The following SRSF4 variants were observed in gnomAD, a reference collection of about 807,000 sequenced individuals.
SRSF4 encodes the protein serine/arginine-rich splicing factor 4.
Under a neutral mutation model 48.8 loss-of-function variants are expected in SRSF4, and 12 were observed. The ratio of observed to expected loss-of-function variants is 0.25; its 90% confidence interval spans 0.16 to 0.40. The LOEUF (loss-of-function observed/expected upper bound fraction) is 0.40, where lower values mean the gene tolerates loss of function less well. Among genes scored for constraint, SRSF4 ranks in the 10% least tolerant of loss-of-function variants. The probability of loss-of-function intolerance (pLI) is 1.00; values close to 1 mark genes in which losing one functional copy is unlikely to be tolerated. For missense variants in SRSF4, 466 were observed against 667.1 expected (o/e 0.70, Z 3.32); for synonymous variants, 248 against 232.5 (o/e 1.07, Z -0.61).
At position 29,162,261 on chromosome 1, in the gene SRSF4, T is replaced by C. The variant is rs951577809; in HGVS notation, c.108-1744A>G. 2.0e-5 allele frequency among the ~76,000 whole-genome samples: 3 copies of C among 152,192 alleles called. No individual in the cohort carries two copies. The East Asian group carries it at 5.8e-4, about 29-fold the overall frequency. On this transcript the variant is annotated intron_variant, in intron 1 of 5. Coordinates refer to ENST00000373795, the MANE Select transcript of SRSF4 (RefSeq NM_005626.5). ...GCTGAGCAGCTTAATAAGAAGGATT[T>C]TGAACATGCTGTTATCTTAGAAAAG...
chr1:29,169,631 C>A (rs549440131), intron 1 of SRSF4: 6 of 152,204 alleles, frequency 3.9e-5, no homozygotes, highest in African/African-American at 1.4e-4. Flanking sequence ...AATGAGAACA[C>A]AAATATATCA....
Position 29,148,194 on chromosome 1 carries a change from G to A in SRSF4, c.*216C>T. The A allele has an allele frequency of 1.4e-6, 1 of 722,040 alleles. No individual in the cohort carries two copies. The highest frequency in any genetic ancestry group is 1.5e-5 in the South Asian group (1 of 67,122). The allele number at this position is 722,040 out of a possible 1,614,324, so 44.7% of individuals were successfully genotyped here. A position where few individuals can be genotyped will look rare whatever the true frequency, so the allele number is the denominator to read the frequency against. On this transcript the variant is annotated 3_prime_UTR_variant, in exon 6 of 6. Transcript: ENST00000373795. ...TCTACTGTGGGCCATGAGTAAAAGG[G>A]GATTTTCAAAGAGAAAATTTTTTTC... is the stretch of plus-strand genomic sequence containing the variant.
At chr1:29,179,653 A>C (rs1254793599) in intron 1 of SRSF4, among the ~76,000 whole-genome samples, 1 of 152,176 alleles carries the variant, frequency 6.6e-6, no homozygotes, top group Non-Finnish European at 1.5e-5. Flanking sequence ...TACGACATAT[A>C]CTATTCCCAG....
rs563422113 is a variant in SRSF4 at position 29,150,009 on chromosome 1, C to T, written c.668+94G>A. On this transcript the variant is annotated intron_variant, in intron 5 of 5. Coordinates refer to ENST00000373795, the MANE Select transcript of SRSF4 (RefSeq NM_005626.5). ...TACCACTGGACTCCAGCTTGGGTGACAGAGTGTCTCTTTGAAAAAAAAAAG... is the reference window on the plus strand; with the variant it reads ...TACCACTGGACTCCAGCTTGGGTGATAGAGTGTCTCTTTGAAAAAAAAAAG... The T allele has an allele frequency of 4.5e-5, 47 of 1,043,964 alleles. No individual in the cohort carries two copies. The East Asian group carries it at 1.1e-3, about 24-fold the overall frequency. The allele number at this position is 1,043,964 out of a possible 1,614,324, so 64.7% of individuals were successfully genotyped here. A position where few individuals can be genotyped will look rare whatever the true frequency, so the allele number is the denominator to read the frequency against.
At chr1:29,176,151 C>G (rs937386493) in intron 1 of SRSF4, among the ~76,000 whole-genome samples, 7 of 152,072 alleles carry the variant, frequency 4.6e-5, no homozygotes, top group Non-Finnish European at 8.8e-5. Context: ...ACTTGGGAGG[C>G]TGAGGCAGGA....
intron 1 of SRSF4, among the ~76,000 whole-genome samples, chr1:29,178,946 CT>C (rs1424825113): frequency 6.6e-6 from 1 of 152,150 alleles, no homozygotes; most frequent in Admixed American, 6.6e-5. Flanking sequence ...TCATACCTGT[CT>C]TTGAAACTCT....
At chr1:29,164,849 A>C (rs762946860) in intron 1 of SRSF4, among the ~76,000 whole-genome samples, 2 of 152,228 alleles carry the variant, frequency 1.3e-5, no homozygotes, top group Non-Finnish European at 2.9e-5. Flanking sequence ...AAGTAAGAGA[A>C]GAAACTCCTT....
chr1:29,169,406 G>T (rs913644525), intron 1 of SRSF4: 1 of 152,214 alleles, frequency 6.6e-6, no homozygotes, highest in Non-Finnish European at 1.5e-5. Context: ...CTGTAGTGTG[G>T]AAGACAAATG....
chr1:29,150,054 T>C, intron 5 of SRSF4, 49 bp downstream of exon 5: 1 of 1,470,366 alleles, frequency 6.8e-7, no homozygotes, highest in Non-Finnish European at 9.4e-7. Context: ...TGAGACAGGG[T>C]ACAGGCATTC....
At chr1:29,158,879 T>C (rs1672547698) in intron 3 of SRSF4, among the ~76,000 whole-genome samples, 2 of 151,798 alleles carry the variant, frequency 1.3e-5, no homozygotes, top group South Asian at 4.2e-4. Flanking sequence ...CCCAGCACTT[T>C]GGGAGGCTGA....
chr1:29,150,562 C>T (rs1672393673), intron 4 of SRSF4, among the ~76,000 whole-genome samples: 1 of 152,158 alleles, frequency 6.6e-6, no homozygotes, highest in Admixed American at 6.5e-5. Flanking sequence ...CCGTACCCGG[C>T]CAAGATTTTC....
intron 3 of SRSF4, among the ~76,000 whole-genome samples, chr1:29,157,177 G>A (rs529528430): frequency 1.3e-5 from 2 of 152,192 alleles, no homozygotes; most frequent in East Asian, 1.9e-4. Context: ...GTCTTGCTGA[G>A]AGCATGGGAA....
chr1:29,149,154 G>C lies in SRSF4; in HGVS notation c.741C>G (p.Ser247Arg). Residue 247 changes from serine (S) to arginine (R), a missense_variant, in exon 6 of 6, where the codon AGC (serine) becomes AGG (arginine). Transcript: ENST00000373795. ...QSRSRSKKEKSRSPSKEKSRS... is the reference protein window; with the variant it reads ...QSRSRSKKEKRRSPSKEKSRS... ...GGCTCTTTTCCTTGCTGGGGCTCCT[G>C]CTTTTCTCTTTCTTGCTCCGGCTCC... The C allele has an allele frequency of 6.2e-7, 1 of 1,609,388 alleles. No individual in the cohort carries two copies. The highest frequency in any genetic ancestry group is 8.5e-7 in the Non-Finnish European group (1 of 1,177,206).
At chr1:29,152,867 C>T (rs781351321) in intron 4 of SRSF4, among the ~76,000 whole-genome samples, 21 of 150,460 alleles carry the variant, frequency 1.4e-4, no homozygotes, top group Non-Finnish European at 2.8e-4. Context: ...TGCAGTAAGC[C>T]GAGATTGTGC....
chr1:29,158,646 G>A (rs1208387379), intron 3 of SRSF4, among the ~76,000 whole-genome samples: 1 of 152,088 alleles, frequency 6.6e-6, no homozygotes, highest in Non-Finnish European at 1.5e-5. Context: ...TCTTTACAGA[G>A]AGAAATTTCG....
At chr1:29,176,310 G>A (rs1672852506) in intron 1 of SRSF4, among the ~76,000 whole-genome samples, 1 of 151,874 alleles carries the variant, frequency 6.6e-6, no homozygotes, top group Admixed American at 6.6e-5. Flanking sequence ...GTTCCTAAAG[G>A]CAAAGTGTTT....
chr1:29,150,030 AAAAG>A (rs1387941843), intron 5 of SRSF4, 69 bp downstream of exon 5: 2 of 1,351,010 alleles, frequency 1.5e-6, no homozygotes, highest in Admixed American at 1.8e-5. Flanking sequence ...TTTGAAAAAA[AAAAG>A]AAAAAAAAGT....
At chr1:29,168,048 C>T (rs1310902740) in intron 1 of SRSF4, among the ~76,000 whole-genome samples, 1 of 149,732 alleles carries the variant, frequency 6.7e-6, no homozygotes, top group African/African-American at 2.5e-5. Flanking sequence ...CATAGTCTCG[C>T]TCTGTCGCGC....
chr1:29,156,655 T>G (rs543619458), intron 3 of SRSF4, among the ~76,000 whole-genome samples: 1 of 152,256 alleles, frequency 6.6e-6, no homozygotes, highest in South Asian at 2.1e-4. Flanking sequence ...ATCTGCTCAA[T>G]TATCTATTAC....
Sources: allele counts gnomAD v4.1 joint callset (sites outside exome capture counted in the v4.1 genomes callset), GRCh38; gene constraint gnomAD v4.1.1; transcripts MANE v1.5; gene names NCBI Gene and HGNC (gene_info 2026-07-23, HGNC 2026-07-21).